SPAG9: variants seen among roughly 807,000 people sequenced by gnomAD.
SPAG9 encodes the protein C-Jun-amino-terminal kinase-interacting protein 4.
SPAG9 carries 35 observed loss-of-function variants against 166.5 expected under a neutral mutation model. The observed-to-expected ratio is 0.21, with a 90% CI of 0.16 to 0.28. The LOEUF is 0.28. SPAG9 is among the 10% of genes least tolerant of loss of function. The pLI is 1.00. For missense variants in SPAG9, 1,235 were observed against 1,603.3 expected (o/e 0.77, Z 3.92); for synonymous variants, 534 against 565.5 (o/e 0.94, Z 0.79).
chr17:51,087,327 T>C lies in SPAG9; in HGVS notation c.304-7623A>G, dbSNP rs565567669. On this transcript the variant is annotated intron_variant, in intron 1 of 29. Transcript: ENST00000262013. ...AGCAATCATGTGAAAGTGGGAAACA[T>C]TGATATAAGAATTTATGAATGAGAA... is the stretch of plus-strand genomic sequence containing the variant. Among the ~76,000 whole-genome samples the C allele has an allele frequency of 2.6e-5, 4 of 152,226 alleles. No homozygotes were observed. The East Asian group carries it at 5.8e-4, about 22-fold the overall frequency.
chr17:51,026,776 A>C (rs1461808165), intron 6 of SPAG9, among the ~76,000 whole-genome samples: 1 of 150,230 alleles, frequency 6.7e-6, no homozygotes, highest in Non-Finnish European at 1.5e-5. Flanking sequence ...TCCCAGGTTC[A>C]AGTGATTCTC....
intron 1 of SPAG9, among the ~76,000 whole-genome samples, chr17:51,095,005 T>G (rs1239683621): frequency 6.6e-6 from 1 of 152,090 alleles, no homozygotes; most frequent in South Asian, 2.1e-4. Context: ...AAATAAGAAG[T>G]GGTGGCCAGG....
chr17:50,999,743 AAC>A lies in SPAG9; in HGVS notation c.1608-28_1608-27del, dbSNP rs766973554. 8 of 1,601,264 alleles carry A rather than the reference AAC, an allele frequency of 5.0e-6. No homozygotes were observed. The East Asian group carries it at 1.3e-4, about 27-fold the overall frequency. Reference sequence around the variant, plus strand: ...CTACATTCAAAAAGAAAAGAAAAGAAACATTTATCAGTGAGGTATTCTACCTT... The same window carrying A: ...CTACATTCAAAAAGAAAAGAAAAGAAATTTATCAGTGAGGTATTCTACCTT... On this transcript the variant is annotated intron_variant, in intron 13 of 29. Transcript: ENST00000262013.
chr17:50,987,012 T>G (rs1021507188), intron 22 of SPAG9, 100 bp downstream of exon 22: 2 of 1,211,954 alleles, frequency 1.7e-6, no homozygotes, highest in Non-Finnish European at 2.3e-6. Context: ...TTTGCATTAA[T>G]CCACACTTTT....
intron 28 of SPAG9, among the ~76,000 whole-genome samples, chr17:50,971,608 C>CA: frequency 6.6e-6 from 1 of 151,768 alleles, no homozygotes; most frequent in Admixed American, 6.6e-5. Context: ...GCTGGGACTA[C>CA]AGGCACGTGC....
In SPAG9 at chr17:51,082,281, A is replaced by G. The variant is rs546499756; in HGVS notation, c.304-2577T>C. ...TCCCAGCTACTCGGGAGGCTGAGGC[A>G]GGAGAATTGCTTGAACCCAGGAGAT... On this transcript the variant is annotated intron_variant, in intron 1 of 29. Transcript: ENST00000262013. Among the ~76,000 whole-genome samples the G allele has an allele frequency of 8.7e-5, 13 of 149,374 alleles. 1 individual carries two copies. The South Asian group carries it at 2.6e-3, about 30-fold the overall frequency.
intron 4 of SPAG9, chr17:51,046,540 C>T: frequency 6.5e-7 from 1 of 1,536,006 alleles, no homozygotes; most frequent in Non-Finnish European, 8.7e-7. Context: ...GCTGGCACAC[C>T]GGTAGAAATA....
intron 1 of SPAG9, among the ~76,000 whole-genome samples, chr17:51,095,370 G>C (rs1261052948): frequency 6.6e-6 from 1 of 150,736 alleles, no homozygotes; most frequent in Non-Finnish European, 1.5e-5. Flanking sequence ...AGCACTTTGG[G>C]AGACTGAAGG....
At chr17:51,030,405 G>C (rs866938808) in intron 6 of SPAG9, among the ~76,000 whole-genome samples, 7 of 152,232 alleles carry the variant, frequency 4.6e-5, no homozygotes, top group South Asian at 2.1e-4. Flanking sequence ...TGAAAATAAA[G>C]ACAAAACTAC....
intron 25 of SPAG9, among the ~76,000 whole-genome samples, chr17:50,981,513 GATAGATAGAT>G: frequency 6.7e-6 from 1 of 149,082 alleles, no homozygotes; most frequent in Non-Finnish European, 1.5e-5. Context: ...TAGATAGATA[GATAGATAGAT>G]AGATAGAAAG....
Position 51,016,880 on chromosome 17 carries a change from G to A in SPAG9, c.1092-2527C>T, listed in dbSNP as rs182349433. ...CACACCACTGCACTCCAGCCTGGGC[G>A]ACAAAGCGAGACTCCGTCTCGGAGG... On this transcript the variant is annotated intron_variant, in intron 8 of 29. Transcript: ENST00000262013. 3.9e-5 allele frequency among the ~76,000 whole-genome samples: 6 copies of A among 152,230 alleles called. No homozygotes were observed. In the East Asian group the frequency reaches 5.8e-4, roughly 15 times the overall value.
At chr17:51,037,505 T>G (rs533736353) in intron 5 of SPAG9, among the ~76,000 whole-genome samples, 73 of 150,368 alleles carry the variant, frequency 4.9e-4, no homozygotes, top group African/African-American at 1.6e-3. Flanking sequence ...CCCAGCTACT[T>G]GGAAGGCTGA....
chr17:51,056,805 G>A (rs1254943599), intron 2 of SPAG9, among the ~76,000 whole-genome samples: 1 of 151,958 alleles, frequency 6.6e-6, no homozygotes, highest in East Asian at 1.9e-4. Flanking sequence ...ACTGGGATTA[G>A]GGCCCAAATA....
chr17:51,026,327 A>T (rs2302286), intron 6 of SPAG9, among the ~76,000 whole-genome samples: 76,908 of 145,932 alleles, frequency 0.53, 20,182 homozygotes, highest in Admixed American at 0.56. Context: ...AGAGAAAAAA[A>T]AAAAAAAAAA....
intron 6 of SPAG9, among the ~76,000 whole-genome samples, chr17:51,024,730 T>A (rs892057949): frequency 1.5e-5 from 2 of 137,552 alleles, no homozygotes; most frequent in African/African-American, 2.7e-5. Context: ...AAAAAAAAAA[T>A]TGTACAATAC....
intron 1 of SPAG9, among the ~76,000 whole-genome samples, chr17:51,081,136 T>C (rs1380163459): frequency 6.6e-6 from 1 of 152,098 alleles, no homozygotes; most frequent in Admixed American, 6.6e-5. Flanking sequence ...GCCACAATCA[T>C]CTAATGCCTG....
At chr17:51,079,956 T>A (rs1239893312) in intron 1 of SPAG9, among the ~76,000 whole-genome samples, 2 of 152,230 alleles carry the variant, frequency 1.3e-5, no homozygotes, top group Non-Finnish European at 2.9e-5. Context: ...CATATCTTAC[T>A]ACAAATATAT....
intron 2 of SPAG9, among the ~76,000 whole-genome samples, chr17:51,075,797 C>G (rs1211066389): frequency 6.6e-6 from 1 of 151,994 alleles, no homozygotes; most frequent in Non-Finnish European, 1.5e-5. Flanking sequence ...GTACTCCAGC[C>G]TGGGACACAG....
At chr17:50,968,876 C>A (rs1415691297) in intron 29 of SPAG9, among the ~76,000 whole-genome samples, 1 of 152,140 alleles carries the variant, frequency 6.6e-6, no homozygotes, top group African/African-American at 2.4e-5. Flanking sequence ...TCCATAAGCT[C>A]TAATGATCTT....
Sources: gnomAD v4.1 joint callset for allele counts (sites outside exome capture counted in the v4.1 genomes callset) on GRCh38, gnomAD v4.1.1 for gene constraint, MANE v1.5 for transcripts, NCBI Gene and HGNC (gene_info 2026-07-23, HGNC 2026-07-21) for gene names.